KALRN: variants seen among roughly 807,000 people sequenced by gnomAD.
KALRN encodes kalirin RhoGEF kinase, also known as kalirin.
KALRN carries 70 observed loss-of-function variants against 353.7 expected under a neutral mutation model. The observed-to-expected ratio is 0.20, with a 90% CI of 0.16 to 0.24. The LOEUF (loss-of-function observed/expected upper bound fraction) is 0.24. Among genes scored for constraint, KALRN ranks in the 10% least tolerant of loss-of-function variants. The probability of loss-of-function intolerance (pLI) is 1.00; values close to 1 mark genes in which losing one functional copy is unlikely to be tolerated. For synonymous variants in KALRN, 1,391 were observed against 1,434.8 expected (o/e 0.97, Z 0.69); for missense variants, 2,791 against 3,756.7 (o/e 0.74, Z 6.72).
At chr3:124,165,809 C>T (rs989476232) in intron 1 of KALRN, among the ~76,000 whole-genome samples, 1 of 152,212 alleles carries the variant, frequency 6.6e-6, no homozygotes. Flanking sequence ...CAAGTGCTTT[C>T]GCACTGTACC....
chr3:124,466,983 T>C (rs1639834548), intron 25 of KALRN, among the ~76,000 whole-genome samples: 1 of 152,248 alleles, frequency 6.6e-6, no homozygotes, highest in South Asian at 2.1e-4. Context: ...TAAATCAGTT[T>C]TCAGCAAGGT....
chr3:124,659,862 ATATATAAAATCAATATAT>A (rs915204504), intron 43 of KALRN, among the ~76,000 whole-genome samples: 10 of 148,668 alleles, frequency 6.7e-5, no homozygotes, highest in Non-Finnish European at 1.2e-4. Context: ...GATTTTATAT[ATATATAAAATCAATATAT>A]TATATAAAAT....
chr3:124,608,010 A>ATTT (rs11306987), intron 34 of KALRN, among the ~76,000 whole-genome samples: 1 of 138,954 alleles, frequency 7.2e-6, no homozygotes. Flanking sequence ...CTCTTTTTTA[A>ATTT]TTTTTTTTTT....
intron 1 of KALRN, among the ~76,000 whole-genome samples, chr3:124,069,186 G>T (rs1208812823): frequency 3.3e-5 from 5 of 152,080 alleles, no homozygotes; most frequent in Non-Finnish European, 7.4e-5. Flanking sequence ...CTAGGAACTT[G>T]CCTAAAGTCA....
At chr3:124,132,676 C>G (rs2065440418) in intron 1 of KALRN, among the ~76,000 whole-genome samples, 2 of 152,162 alleles carry the variant, frequency 1.3e-5, no homozygotes, top group South Asian at 4.1e-4. Context: ...GGCCTTGTAA[C>G]TCAGAGAATT....
At position 124,719,784 on chromosome 3, in the gene KALRN, G is replaced by C. The variant is rs1320720890; in HGVS notation, c.*314G>C. On this transcript the variant is annotated 3_prime_UTR_variant, in exon 60 of 60. Transcript: ENST00000682506. This position sits in a 1 kb window ranked among gnomAD's most constrained non-coding sequence, Gnocchi z 5.3. ...TTTAACTGTATCTTCCAAAATGAGT[G>C]GTTAACTGGGCAAACCTTAAGCTCA... is the stretch of plus-strand genomic sequence containing the variant. 1 of 239,958 alleles carries C rather than the reference G, an allele frequency of 4.2e-6. No individual in the cohort carries two copies. Among genetic ancestry groups the C allele is most frequent in the Non-Finnish European group, 8.2e-6 (1 of 122,672 alleles). The allele number at this position is 239,958 out of a possible 1,614,324, so 14.9% of individuals were successfully genotyped here.
At position 124,116,247 on chromosome 3, in the gene KALRN, A is replaced by T. The variant is rs74690488; in HGVS notation, c.73+82434A>T. Reference sequence around the variant, plus strand: ...ATTAGTCATGCAAGGGCCAGCAAAAATAGCATAGACAGATAGTAAAAATCT... The same window carrying T: ...ATTAGTCATGCAAGGGCCAGCAAAATTAGCATAGACAGATAGTAAAAATCT... On this transcript the variant is annotated intron_variant, in intron 1 of 59. Transcript: ENST00000682506. Among the ~76,000 whole-genome samples the T allele has an allele frequency of 7.2e-4, 110 of 152,334 alleles. No individual in the cohort carries two copies. The South Asian group carries it at 0.014, about 20-fold the overall frequency.
chr3:124,462,106 C>T, intron 24 of KALRN, 150 bp downstream of exon 24: 1 of 649,570 alleles, frequency 1.5e-6, no homozygotes. Context: ...CTCCTAAAGT[C>T]AACAATAATT....
chr3:124,300,921 A>G (rs953071205), intron 6 of KALRN, among the ~76,000 whole-genome samples: 1 of 152,182 alleles, frequency 6.6e-6, no homozygotes, highest in Non-Finnish European at 1.5e-5. Context: ...TTTAGTGTAG[A>G]GCAGCAAAGC....
chr3:124,064,664 GAGC>G (rs1559892801), intron 1 of KALRN, among the ~76,000 whole-genome samples: 11 of 152,160 alleles, frequency 7.2e-5, no homozygotes, highest in Non-Finnish European at 2.9e-5. Flanking sequence ...GTCATTGTAT[GAGC>G]AGATTATCTG....
chr3:124,315,370 G>A (rs1043113415), intron 6 of KALRN, among the ~76,000 whole-genome samples: 1 of 152,158 alleles, frequency 6.6e-6, no homozygotes, highest in Non-Finnish European at 1.5e-5. Context: ...CATGGCCTGG[G>A]TCCCTTCTGC....
chr3:124,498,791 T>A lies in KALRN; in HGVS notation c.4935+2378T>A, dbSNP rs951878064. On this transcript the variant is annotated intron_variant, in intron 33 of 59. Coordinates refer to ENST00000682506, the MANE Select transcript of KALRN (RefSeq NM_001388419.1). Reference sequence around the variant, plus strand: ...CAAAACAGTGATAACAGGGCAGCCATGTGTCCTCCGTGACTGCACTTTTCT... The same window carrying A: ...CAAAACAGTGATAACAGGGCAGCCAAGTGTCCTCCGTGACTGCACTTTTCT... 2.0e-5 allele frequency among the ~76,000 whole-genome samples: 3 copies of A among 152,100 alleles called. No individual in the cohort carries two copies. In the South Asian group the frequency reaches 6.2e-4, roughly 32 times the overall value.
At chr3:124,492,521 A>C (rs770489294) in intron 31 of KALRN, among the ~76,000 whole-genome samples, 17 of 152,232 alleles carry the variant, frequency 1.1e-4, no homozygotes, top group Non-Finnish European at 2.5e-4. Flanking sequence ...CTCCCGTACA[A>C]GTAATTCTGC....
At chr3:124,162,035 A>G (rs182675574) in intron 1 of KALRN, among the ~76,000 whole-genome samples, 7 of 152,324 alleles carry the variant, frequency 4.6e-5, no homozygotes, top group East Asian at 1.9e-4. Flanking sequence ...ACAATGTTCA[A>G]TGTAGAACTG....
intron 1 of KALRN, among the ~76,000 whole-genome samples, chr3:124,127,732 T>G (rs2064846765): frequency 6.6e-6 from 1 of 152,158 alleles, no homozygotes; most frequent in African/African-American, 2.4e-5. Context: ...GTAAATTATT[T>G]TATGTAATTG....
In KALRN at chr3:124,243,473, C is replaced by T. The variant is rs10804561; in HGVS notation, c.263+8530C>T. 3.9e-5 allele frequency among the ~76,000 whole-genome samples: 6 copies of T among 152,104 alleles called. No homozygotes were observed. The East Asian group carries it at 5.8e-4, about 15-fold the overall frequency. On this transcript the variant is annotated intron_variant, in intron 3 of 59. Transcript: ENST00000682506. ...GGTTATTCCAGGAACCAGTAAGTGC[C>T]TGTAGCGATAAATCAAGGACCCACC...
chr3:124,401,681 T>C (rs1449787076), intron 13 of KALRN, among the ~76,000 whole-genome samples: 1 of 152,098 alleles, frequency 6.6e-6, no homozygotes, highest in Non-Finnish European at 1.5e-5. Context: ...CTGCATCCTC[T>C]GGTGTAGGCT....
chr3:124,136,585 G>T (rs1578459171), intron 1 of KALRN, among the ~76,000 whole-genome samples: 1 of 152,146 alleles, frequency 6.6e-6, no homozygotes, highest in Non-Finnish European at 1.5e-5. Flanking sequence ...AGTGAGGTGG[G>T]CCTGCCTGTC....
chr3:124,559,682 C>A (rs1488144690), intron 33 of KALRN, among the ~76,000 whole-genome samples: 1 of 152,206 alleles, frequency 6.6e-6, no homozygotes, highest in Non-Finnish European at 1.5e-5. Flanking sequence ...GTCTTAGAAT[C>A]TTACCCTACA....
Sources: gnomAD v4.1 joint callset for allele counts (sites outside exome capture counted in the v4.1 genomes callset) on GRCh38, gnomAD v4.1.1 for gene constraint, Gnocchi (gnomAD v3.1) non-coding constraint, MANE v1.5 for transcripts, NCBI Gene and HGNC (gene_info 2026-07-23, HGNC 2026-07-21) for gene names.